PCDHGB6: variants seen among roughly 807,000 people sequenced by gnomAD.
PCDHGB6 encodes protocadherin gamma subfamily B, 6.
A neutral mutation model predicts 59.1 loss-of-function variants in PCDHGB6; 51 were observed. That is an observed-to-expected ratio of 0.86 (90% confidence interval 0.69 to 1.09). PCDHGB6 has a LOEUF of 1.09. Among genes scored for constraint, PCDHGB6 ranks in the 50% least tolerant of loss-of-function variants. PCDHGB6 has a pLI of 0.00. For synonymous variants in PCDHGB6, 466 were observed against 495.1 expected, an observed-to-expected ratio of 0.94 and a Z score of 0.78; for missense variants, 1,148 against 1,205.1, an observed-to-expected ratio of 0.95 and a Z score of 0.70.
chr5:141,441,018 TG>T (rs1482478700), intron 1 of PCDHGB6: 1 of 152,164 alleles, frequency 6.6e-6, no homozygotes, highest in Non-Finnish European at 1.5e-5. Context: ...GATCAAATAG[TG>T]GAGAAATGAA....
rs757065593 is a variant in PCDHGB6, at chr5:141,418,576, C to G, written c.2418+7956C>G. 1.5e-5 allele frequency: 25 copies of G among 1,614,012 alleles called. No homozygotes were observed. In the South Asian group the frequency reaches 2.7e-4, roughly 18 times the overall value. On this transcript the variant is annotated intron_variant, in intron 1 of 3. Transcript: ENST00000520790. ...TGGTAATAGATGCCAATGACAACCCCCCAGTGTTCAGCCAGGACGTGTACA... is the reference window on the plus strand; with the variant it reads ...TGGTAATAGATGCCAATGACAACCCGCCAGTGTTCAGCCAGGACGTGTACA...
At chr5:141,499,019 AGGAAGGAAGAAAAG>A (rs2099788655) in intron 2 of PCDHGB6, among the ~76,000 whole-genome samples, 1 of 150,840 alleles carries the variant, frequency 6.6e-6, no homozygotes, top group Non-Finnish European at 1.5e-5. Flanking sequence ...GAAGGAAGGA[AGGAAGGAAGAAAAG>A]AAAGAAAAAG....
chr5:141,423,237 C>T (rs761825236), intron 1 of PCDHGB6: 74 of 1,613,798 alleles, frequency 4.6e-5, no homozygotes, highest in Middle Eastern at 3.3e-4. Flanking sequence ...ACAGCATCCC[C>T]GAAGTCCTGG....
intron 1 of PCDHGB6, chr5:141,423,962 C>A: frequency 1.7e-6 from 2 of 1,168,402 alleles, no homozygotes; most frequent in South Asian, 4.2e-5. Context: ...TATTATTTTT[C>A]TATTATCAGT....
chr5:141,455,627 A>G (rs1426625737), intron 1 of PCDHGB6, among the ~76,000 whole-genome samples: 2 of 152,104 alleles, frequency 1.3e-5, no homozygotes, highest in East Asian at 3.9e-4. Context: ...ACACGTGGAG[A>G]TATGTGGGGG....
chr5:141,415,284 G>T (rs186109113), intron 1 of PCDHGB6: 1 of 1,614,198 alleles, frequency 6.2e-7, no homozygotes, highest in East Asian at 2.2e-5. Context: ...CGGTGGCCGC[G>T]GTCTCCTGCG....
rs1212478322 is a variant in PCDHGB6 at position 141,485,871 on chromosome 5, T to G, written c.2419-8936T>G. ...ACCGCAGAGCTCCGGGTATCCGTGC[T>G]GGACGTAAACGACAACGCCCCAGCC... On this transcript the variant is annotated intron_variant, in intron 1 of 3. Coordinates refer to ENST00000520790, the MANE Select transcript of PCDHGB6 (RefSeq NM_018926.3). The surrounding 1 kb of genome is among the most constrained non-coding windows in gnomAD (Gnocchi z 5.7). 6.2e-7 allele frequency: 1 copy of G among 1,614,196 alleles called. No homozygotes were observed. The highest frequency in any genetic ancestry group is 8.5e-7 in the Non-Finnish European group (1 of 1,180,032).
chr5:141,450,489 CTGTT>C (rs1372781820), intron 1 of PCDHGB6, among the ~76,000 whole-genome samples: 4 of 150,280 alleles, frequency 2.7e-5, no homozygotes, highest in Non-Finnish European at 2.9e-5. Context: ...GTTTGTTTGT[CTGTT>C]TGTTTGTTTT....
chr5:141,444,350 T>C (rs1021358194), intron 1 of PCDHGB6, among the ~76,000 whole-genome samples: 7 of 151,946 alleles, frequency 4.6e-5, no homozygotes, highest in Admixed American at 2.0e-4. Context: ...TTTGTATTTT[T>C]AGTAGAGACG....
chr5:141,436,998 A>G (rs985067199), intron 1 of PCDHGB6, among the ~76,000 whole-genome samples: 23 of 152,242 alleles, frequency 1.5e-4, no homozygotes, highest in South Asian at 2.1e-4. Flanking sequence ...GTTTACTTCA[A>G]TGGGATCTTA....
chr5:141,414,236 C>T, intron 1 of PCDHGB6: 1 of 1,613,456 alleles, frequency 6.2e-7, no homozygotes. Flanking sequence ...CTGACCATCA[C>T]GTCTCTATTT....
At position 141,510,839 on chromosome 5, in the gene PCDHGB6, C is replaced by G. The variant is rs186647886; in HGVS notation, c.2567-108C>G. The stretch of plus-strand genomic sequence containing the variant: ...CTATATTCCCAGTGCTCAGCGTGGT[C>G]AAGGCCCAGGGTGCTGTATAGGCAT... On this transcript the variant is annotated intron_variant, in intron 3 of 3. Coordinates refer to ENST00000520790, the MANE Select transcript of PCDHGB6 (RefSeq NM_018926.3). The G allele has an allele frequency of 6.5e-5, 103 of 1,587,108 alleles. No individual in the cohort carries two copies. The East Asian group carries it at 1.6e-3, about 25-fold the overall frequency.
chr5:141,477,506 G>T lies in PCDHGB6; in HGVS notation c.2419-17301G>T, dbSNP rs766083208. 6.2e-7 allele frequency: 1 copy of T among 1,614,028 alleles called. No homozygotes were observed. The highest frequency in any genetic ancestry group is 8.5e-7 in the Non-Finnish European group (1 of 1,180,016). On this transcript the variant is annotated intron_variant, in intron 1 of 3. Coordinates refer to ENST00000520790, the MANE Select transcript of PCDHGB6 (RefSeq NM_018926.3). This position sits in a 1 kb window ranked among gnomAD's most constrained non-coding sequence, Gnocchi z 4.9. ...ACAATCTTCTCAATCTTCCTACGAC[G>T]TTTACATTGAAGAAAACAACCTCCC...
intron 1 of PCDHGB6, among the ~76,000 whole-genome samples, chr5:141,456,944 C>G (rs1172050038): frequency 6.6e-6 from 1 of 152,138 alleles, no homozygotes; most frequent in Non-Finnish European, 1.5e-5. Context: ...GCCTGGGCAA[C>G]AGAGCAAAAC....
chr5:141,480,021 C>G (rs1415230863), intron 1 of PCDHGB6, among the ~76,000 whole-genome samples: 1 of 152,208 alleles, frequency 6.6e-6, no homozygotes, highest in Non-Finnish European at 1.5e-5. Context: ...AATCTCCTTT[C>G]TAAGCCTCTT....
intron 1 of PCDHGB6, chr5:141,420,307 A>G (rs2096487660): frequency 1.5e-5 from 22 of 1,459,622 alleles, no homozygotes; most frequent in Non-Finnish European, 1.8e-5. Flanking sequence ...AATCCTTTTT[A>G]TATTACAATA....
At chr5:141,502,093 G>C (rs1037154464) in intron 2 of PCDHGB6, among the ~76,000 whole-genome samples, 27 of 152,112 alleles carry the variant, frequency 1.8e-4, no homozygotes, top group Admixed American at 1.7e-3. Flanking sequence ...AGAACACCTG[G>C]CCTTGACCCT....
intron 1 of PCDHGB6, chr5:141,427,797 G>T: frequency 6.6e-7 from 1 of 1,505,306 alleles, no homozygotes; most frequent in Non-Finnish European, 9.1e-7. Flanking sequence ...CTACGTGTCC[G>T]TGAGCGCACA....
rs1386912520 is a variant in PCDHGB6 at position 141,505,425 on chromosome 5, C to T, written c.2510C>T (p.Pro837Leu). 1.2e-6 allele frequency: 2 copies of T among 1,614,060 alleles called. No individual in the cohort carries two copies. The highest frequency in any genetic ancestry group is 1.7e-6 in the Non-Finnish European group (2 of 1,180,022). The change falls in exon 3 of 4, where the codon CCC becomes CTC. Residue 837 changes from proline to leucine, a missense_variant. Physicochemically the swap from Pro to Leu is moderately conservative, Grantham distance 98 (BLOSUM62 -3). Around this residue, in one of 5 missense-constraint regions of PCDHGB6, gnomAD observed 283 missense variants for 318.6 expected, o/e 0.89. Transcript: ENST00000520790. ...AATGGCGATGACACCGGCACCTGGC[C>T]CAACAACCAGTTTGACACAGAGATG... ...SQNGDDTGTW[P>L]NNQFDTEMLQ... is the part of the protein sequence containing the mutation.
Sources: gnomAD v4.1 joint callset for allele counts (sites outside exome capture counted in the v4.1 genomes callset) on GRCh38, gnomAD v4.1.1 for gene constraint, gnomAD v4.1.1 regional missense constraint, Gnocchi (gnomAD v3.1) non-coding constraint, MANE v1.5 for transcripts, NCBI Gene and HGNC (gene_info 2026-07-23, HGNC 2026-07-21) for gene names.